ALK: variants seen among roughly 807,000 people sequenced by gnomAD.
The protein encoded by ALK is ALK tyrosine kinase receptor.
A neutral mutation model predicts 163.1 loss-of-function variants in ALK; 74 were observed. The observed-to-expected ratio is 0.45, with a 90% CI of 0.38 to 0.55. ALK has a LOEUF of 0.55. Ranked by LOEUF, ALK falls within the 20% of genes least tolerant of loss-of-function variation. ALK has a pLI of 0.00. For missense variants in ALK, 2,063 were observed against 2,105.3 expected (o/e 0.98, Z 0.39); for synonymous variants, 960 against 843.2 (o/e 1.14, Z -2.40).
chr2:29,593,220 C>A (rs756466794), intron 3 of ALK, among the ~76,000 whole-genome samples: 2 of 152,090 alleles, frequency 1.3e-5, no homozygotes, highest in African/African-American at 4.8e-5. Context: ...TGTGAAGGGG[C>A]CTTGGGGATT....
chr2:29,284,164 G>A (rs1313427700), intron 9 of ALK, among the ~76,000 whole-genome samples: 4 of 152,214 alleles, frequency 2.6e-5, no homozygotes, highest in African/African-American at 9.6e-5. Context: ...CTAGGCAGTG[G>A]GGTGTGCTGG....
At chr2:29,738,551 T>C (rs1320440981) in intron 1 of ALK, among the ~76,000 whole-genome samples, 2 of 152,030 alleles carry the variant, frequency 1.3e-5, no homozygotes, top group African/African-American at 2.4e-5. Context: ...TTAGAGAAGG[T>C]TGCCCAGGTT....
chr2:29,245,357 G>A (rs1266054149), intron 12 of ALK, among the ~76,000 whole-genome samples: 1 of 138,194 alleles, frequency 7.2e-6, no homozygotes, highest in Non-Finnish European at 1.6e-5. Flanking sequence ...CACACAGTAG[G>A]GGCTCCATGG....
At chr2:29,365,585 C>A (rs1668484990) in intron 5 of ALK, among the ~76,000 whole-genome samples, 1 of 152,178 alleles carries the variant, frequency 6.6e-6, no homozygotes, top group Admixed American at 6.5e-5. Context: ...CACTCTGCAT[C>A]CTGTCTTCAG....
At chr2:29,320,220 C>A (rs1257124802) in intron 7 of ALK, among the ~76,000 whole-genome samples, 1 of 152,164 alleles carries the variant, frequency 6.6e-6, no homozygotes, top group Non-Finnish European at 1.5e-5. Flanking sequence ...GGAGGATGGA[C>A]CCCGGAGAGG....
At chr2:29,288,366 C>T (rs1006558334) in intron 9 of ALK, among the ~76,000 whole-genome samples, 18 of 152,170 alleles carry the variant, frequency 1.2e-4, no homozygotes, top group African/African-American at 4.3e-4. Flanking sequence ...CACCCATATC[C>T]CTCTCTGGAT....
At chr2:29,472,361 AT>A (rs1372652658) in intron 4 of ALK, among the ~76,000 whole-genome samples, 2 of 152,202 alleles carry the variant, frequency 1.3e-5, no homozygotes, top group African/African-American at 4.8e-5. Flanking sequence ...AGTGTAGTAA[AT>A]GGTTGTTCTT....
intron 3 of ALK, among the ~76,000 whole-genome samples, chr2:29,653,555 A>G (rs900208605): frequency 6.6e-6 from 1 of 152,164 alleles, no homozygotes; most frequent in African/African-American, 2.4e-5. Flanking sequence ...TAAAAGGGTC[A>G]TGGCAATAAG....
intron 23 of ALK, among the ~76,000 whole-genome samples, chr2:29,216,929 TGGGGG>T (rs748272010): frequency 1.3e-3 from 109 of 84,902 alleles, no homozygotes; most frequent in Middle Eastern, 6.2e-3. Context: ...TTATGGTGTG[TGGGGG>T]GTGTGTGTGT....
chr2:29,523,797 G>C (rs1429792780), intron 4 of ALK, among the ~76,000 whole-genome samples: 1 of 148,286 alleles, frequency 6.7e-6, no homozygotes, highest in Admixed American at 6.7e-5. Flanking sequence ...CAGCTCAAAA[G>C]AGCCTCACTA....
chr2:29,197,414 C>G (rs2148142776), intron 27 of ALK, 128 bp downstream of exon 27: 1 of 1,412,306 alleles, frequency 7.1e-7, no homozygotes, highest in Non-Finnish European at 9.7e-7. Context: ...ACATTCGCAT[C>G]TTGGGGCATA....
In ALK at chr2:29,767,121, C is replaced by G. The variant is rs144248017; in HGVS notation, c.668-49424G>C. On this transcript the variant is annotated intron_variant, in intron 1 of 28. Transcript: ENST00000389048. Reference sequence around the variant, plus strand: ...ACTTTTAATAGGACCTACTATGCACCAGGCACTGTGATCAGGAGTTTACAT... The same window carrying G: ...ACTTTTAATAGGACCTACTATGCACGAGGCACTGTGATCAGGAGTTTACAT... Among the ~76,000 whole-genome samples, 96 of 152,300 alleles carry G rather than the reference C, an allele frequency of 6.3e-4. 2 individuals are homozygous for G. The highest frequency in any genetic ancestry group is 1.3e-4 in the Non-Finnish European group (9 of 68,020).
intron 4 of ALK, among the ~76,000 whole-genome samples, chr2:29,496,202 T>C (rs1175239077): frequency 6.6e-6 from 1 of 152,244 alleles, no homozygotes; most frequent in Non-Finnish European, 1.5e-5. Flanking sequence ...AATATCTGAA[T>C]GTAGGATAGC....
chr2:29,711,293 ACACTCTT>A (rs1437033508), intron 2 of ALK, among the ~76,000 whole-genome samples: 1 of 151,964 alleles, frequency 6.6e-6, no homozygotes, highest in Non-Finnish European at 1.5e-5. Context: ...TTTGTCCAGA[ACACTCTT>A]CTCCTGACTC....
At chr2:29,300,236 G>T (rs1296996336) in intron 8 of ALK, among the ~76,000 whole-genome samples, 1 of 152,118 alleles carries the variant, frequency 6.6e-6, no homozygotes, top group East Asian at 1.9e-4. Context: ...GAAGGTGGAA[G>T]TGACCACCTA....
At position 29,246,578 on chromosome 2, in the gene ALK, C is replaced by T. The variant is rs983197929; in HGVS notation, c.2204+4527G>A. Among the ~76,000 whole-genome samples, 1 of 152,190 alleles carries T rather than the reference C, an allele frequency of 6.6e-6. No homozygotes were observed. The highest frequency in any genetic ancestry group is 2.4e-5 in the African/African-American group (1 of 41,440). On this transcript the variant is annotated intron_variant, in intron 12 of 28. Coordinates refer to ENST00000389048, the MANE Select transcript of ALK (RefSeq NM_004304.5). The surrounding 1 kb of genome is among the most constrained non-coding windows in gnomAD (Gnocchi z 4.3). ...CTGCCCTGGCCTTGCCTGTTCTCAGCCAAGCTCGTGGGAGAGTGGCTGCGC... is the reference window on the plus strand; with the variant it reads ...CTGCCCTGGCCTTGCCTGTTCTCAGTCAAGCTCGTGGGAGAGTGGCTGCGC...
At chr2:29,349,941 G>A (rs1668069278) in intron 5 of ALK, among the ~76,000 whole-genome samples, 1 of 152,206 alleles carries the variant, frequency 6.6e-6, no homozygotes, top group Non-Finnish European at 1.5e-5. Context: ...GCCTGCACAA[G>A]GCAGGAATCA....
At chr2:29,268,534 C>T (rs1665298543) in intron 11 of ALK, among the ~76,000 whole-genome samples, 1 of 152,150 alleles carries the variant, frequency 6.6e-6, no homozygotes, top group South Asian at 2.1e-4. Context: ...TAGGGTTTGG[C>T]ACAGAGCAGG....
At chr2:29,876,669 G>T (rs530916244) in intron 1 of ALK, among the ~76,000 whole-genome samples, 2 of 148,804 alleles carry the variant, frequency 1.3e-5, no homozygotes, top group African/African-American at 5.0e-5. Context: ...TGGTGGTGAT[G>T]ATGGTAACGA....
Sources: gnomAD v4.1 joint callset for allele counts (sites outside exome capture counted in the v4.1 genomes callset) on GRCh38, gnomAD v4.1.1 for gene constraint, Gnocchi (gnomAD v3.1) non-coding constraint, MANE v1.5 for transcripts, NCBI Gene and HGNC (gene_info 2026-07-23, HGNC 2026-07-21) for gene names.